The following TEX15 variants were observed in gnomAD, a reference collection of about 807,000 sequenced individuals.
TEX15 encodes testis expressed 15, meiosis and synapsis associated, also known as testis-expressed protein 15.
In TEX15, 171 loss-of-function variants were observed where a neutral mutation model predicts 237.3. The ratio of observed to expected loss-of-function variants is 0.72; its 90% CI spans 0.64 to 0.82. The LOEUF (loss-of-function observed/expected upper bound fraction) is 0.82. Ranked by LOEUF, TEX15 falls within the 40% of genes least tolerant of loss-of-function variation. TEX15 has a pLI of 0.00. For missense variants in TEX15, 3,750 were observed against 3,646.5 expected, an observed-to-expected ratio of 1.03 and a Z score of -0.73; for synonymous variants, 1,338 against 1,269.8, an observed-to-expected ratio of 1.05 and a Z score of -1.14.
At chr8:30,883,253 G>A (rs376548048) in intron 3 of TEX15, among the ~76,000 whole-genome samples, 7 of 152,208 alleles carry the variant, frequency 4.6e-5, no homozygotes, top group African/African-American at 1.4e-4. Flanking sequence ...GTTGAATTTA[G>A]ACGGTTTAAG....
intron 7 of TEX15, among the ~76,000 whole-genome samples, chr8:30,856,048 C>T (rs967857753): frequency 1.8e-4 from 27 of 152,090 alleles, no homozygotes; most frequent in African/African-American, 6.0e-4. Context: ...CAGGTTCAAG[C>T]GATTCTCCTG....
Position 30,837,872 on chromosome 8 carries a change from T to A in TEX15, c.8412A>T (p.Ser2804=). The change falls in exon 10 of 11, where the codon TCA becomes TCT. Residue 2804 remains serine (S), a synonymous_variant. Coordinates refer to ENST00000643185, the MANE Select transcript of TEX15 (RefSeq NM_001350162.2). ...CCTGTTGTCCACTGAAGTGATCAGATGAAACAGTTAAGTCTATTTTGCTTT... is the reference window on the plus strand; with the variant it reads ...CCTGTTGTCCACTGAAGTGATCAGAAGAAACAGTTAAGTCTATTTTGCTTT... ...KSESKIDLTV[S]SDHFSGQQEN... 6.2e-7 allele frequency: 1 copy of A among 1,614,202 alleles called. No homozygotes were observed. Among genetic ancestry groups the A allele is most frequent in the Non-Finnish European group, 8.5e-7 (1 of 1,180,028 alleles).
At chr8:30,840,788 A>C (rs991560420) in intron 8 of TEX15, among the ~76,000 whole-genome samples, 1 of 152,184 alleles carries the variant, frequency 6.6e-6, no homozygotes, top group African/African-American at 2.4e-5. Flanking sequence ...GTACACTTCA[A>C]TGTGTACAGA....
intron 1 of TEX15, among the ~76,000 whole-genome samples, chr8:30,912,381 T>TC (rs1342404085): frequency 3.6e-5 from 5 of 140,292 alleles, no homozygotes; most frequent in Non-Finnish European, 6.2e-5. Context: ...ACCACGAAGA[T>TC]CCCCACGCGC....
chr8:30,902,954 T>C (rs1290961076), intron 1 of TEX15, among the ~76,000 whole-genome samples: 1 of 152,238 alleles, frequency 6.6e-6, no homozygotes, highest in Non-Finnish European at 1.5e-5. Flanking sequence ...ACTTTGTCTG[T>C]TGCCCCTCAG....
chr8:30,837,064 A>G lies in TEX15; in HGVS notation c.9220T>C (p.Ser3074Pro). Reference protein sequence around the residue: ...ITSYEVQPSPSGLLTTVASTA... With the variant: ...ITSYEVQPSPPGLLTTVASTA... The stretch of plus-strand genomic sequence containing the variant: ...CTTGCAACTGTGGTCAACAGCCCAG[A>G]AGGAGATGGCTGTACTTCATATGAT... The change falls in exon 10 of 11, where the codon TCT becomes CCT. Residue 3074 changes from serine to proline, a missense_variant. By Grantham distance (74) the Ser-to-Pro change is moderately conservative. Transcript: ENST00000643185. 6.2e-7 allele frequency: 1 copy of G among 1,614,206 alleles called. No individual in the cohort carries two copies. The highest frequency in any genetic ancestry group is 8.5e-7 in the Non-Finnish European group (1 of 1,180,040).
intron 1 of TEX15, among the ~76,000 whole-genome samples, chr8:30,911,621 G>C (rs971375447): frequency 6.6e-6 from 1 of 152,194 alleles, no homozygotes; most frequent in Non-Finnish European, 1.5e-5. Context: ...GCGTTGGGGT[G>C]CTTCACACTG....
intron 9 of TEX15, among the ~76,000 whole-genome samples, chr8:30,839,212 G>C (rs916687315): frequency 6.6e-6 from 1 of 152,042 alleles, no homozygotes; most frequent in Non-Finnish European, 1.5e-5. Flanking sequence ...CTGTAGTCAA[G>C]AGAAATTCTT....
chr8:30,893,510 GATA>G (rs148328516), intron 2 of TEX15, among the ~76,000 whole-genome samples: 3,227 of 152,256 alleles, frequency 0.021, 63 homozygotes, highest in South Asian at 0.055. Context: ...GAATATAACT[GATA>G]ATGACAGGTA....
rs756993132 is a variant in TEX15, at chr8:30,887,242, G to T, written c.61C>A (p.Pro21Thr). 5.9e-6 allele frequency: 9 copies of T among 1,535,842 alleles called. No individual in the cohort carries two copies. Among genetic ancestry groups the T allele is most frequent in the Non-Finnish European group, 7.8e-6 (9 of 1,146,766 alleles). ...TTGACTTCACGAGTATTCAACACGG[G>T]TTTGCTAGTTGAGCTCATTTGCCAC... ...TLWQMSSTSK[P>T]VLNTREVNPL... The change falls in exon 3 of 11, where the codon CCC (proline) becomes ACC (threonine). Residue 21 changes from proline to threonine, a missense_variant. Coordinates refer to ENST00000643185, the MANE Select transcript of TEX15 (RefSeq NM_001350162.2).
intron 2 of TEX15, among the ~76,000 whole-genome samples, chr8:30,891,854 T>C (rs1265902888): frequency 1.3e-5 from 2 of 152,266 alleles, no homozygotes; most frequent in African/African-American, 4.8e-5. Context: ...GTTTTTTACC[T>C]GATTTTCTAT....
At position 30,842,951 on chromosome 8, in the gene TEX15, G is replaced by T; in HGVS notation, c.7216C>A (p.Gln2406Lys). ...TCCATGTTATTATCTTGTAGCATCT[G>T]AAAGTATTTTTTTAAAATTTCTAAG... ...DHLEILKKYFQMLQDNNMDNI... is the reference protein window; with the variant it reads ...DHLEILKKYFKMLQDNNMDNI... Residue 2406 changes from glutamine (Q) to lysine (K), a missense_variant, in exon 8 of 11, where the codon CAG becomes AAG. Gln to Lys is a moderately conservative substitution (Grantham distance 53, BLOSUM62 1). Transcript: ENST00000643185. 1 of 1,610,484 alleles carries T rather than the reference G, an allele frequency of 6.2e-7. No homozygotes were observed. The highest frequency in any genetic ancestry group is 8.5e-7 in the Non-Finnish European group (1 of 1,178,758).
intron 5 of TEX15, among the ~76,000 whole-genome samples, chr8:30,861,869 A>C (rs1052042785): frequency 6.6e-6 from 1 of 152,178 alleles, no homozygotes; most frequent in African/African-American, 2.4e-5. Context: ...ACTGTCAAGG[A>C]ATATAAATAA....
Position 30,846,936 on chromosome 8 carries a change from A to G in TEX15, c.3231T>C (p.Asp1077=), listed in dbSNP as rs767268377. 3.1e-6 allele frequency: 5 copies of G among 1,613,720 alleles called. No individual in the cohort carries two copies. In the South Asian group the frequency reaches 5.5e-5, roughly 18 times the overall value. The change falls in exon 8 of 11, where the codon GAT becomes GAC. Residue 1077 remains aspartate, a synonymous_variant. Coordinates refer to ENST00000643185, the MANE Select transcript of TEX15 (RefSeq NM_001350162.2). ...DCDDAFIFQQ[D]THSHENMLCE... is the part of the protein sequence containing the mutation. ...AAAGCATGTTTTCATGGCTATGTGT[A>G]TCTTGTTGAAATATAAAAGCATCAT...
Position 30,847,633 on chromosome 8 carries a change from A to G in TEX15, c.2534T>C (p.Leu845Ser). ...QDHNLFCNSQ[L>S]SNDIWLNVNF... is the part of the protein sequence containing the mutation. The stretch of plus-strand genomic sequence containing the variant: ...AACATTCAGCCATATATCATTGCTT[A>G]ACTGTGAATTACAGAACAGATTGTG... Residue 845 changes from leucine to serine, a missense_variant, in exon 8 of 11, where the codon TTA becomes TCA. Leu to Ser is a moderately radical substitution (Grantham distance 145). Transcript: ENST00000643185. The G allele has an allele frequency of 1.2e-6, 2 of 1,613,586 alleles. No individual in the cohort carries two copies. The highest frequency in any genetic ancestry group is 1.1e-5 in the South Asian group (1 of 91,036).
In TEX15 at chr8:30,831,994, TCTTA is replaced by T. The variant is rs1451166576; in HGVS notation, c.*1288_*1291del. On this transcript the variant is annotated 3_prime_UTR_variant, in exon 11 of 11. Transcript: ENST00000643185. ...TTTAACTCTATCGTCTTTTCAAATCTCTTACTTCTTTCGGTTACAGTTCTTTGCT... is the reference window on the plus strand; with the variant it reads ...TTTAACTCTATCGTCTTTTCAAATCTCTTCTTTCGGTTACAGTTCTTTGCT... The T allele has an allele frequency of 5.3e-5, 8 of 152,336 alleles. No individual in the cohort carries two copies. The East Asian group carries it at 1.3e-3, about 26-fold the overall frequency. 9.4% of individuals were successfully genotyped at this position (152,336 alleles called of 1,614,324 possible).
chr8:30,860,839 C>T (rs1157775354), intron 5 of TEX15, among the ~76,000 whole-genome samples: 1 of 151,690 alleles, frequency 6.6e-6, no homozygotes, highest in African/African-American at 2.4e-5. Flanking sequence ...GCGTGAGCCA[C>T]CGCGCCCAGC....
intron 7 of TEX15, among the ~76,000 whole-genome samples, chr8:30,852,144 G>A (rs183315371): frequency 7.2e-4 from 78 of 108,416 alleles, no homozygotes; most frequent in African/African-American, 2.8e-3. Context: ...AGTCTCTGTC[G>A]CCCAGGCTGG....
chr8:30,834,607 C>G (rs1230117078), intron 10 of TEX15, among the ~76,000 whole-genome samples: 1 of 152,124 alleles, frequency 6.6e-6, no homozygotes, highest in Non-Finnish European at 1.5e-5. Flanking sequence ...ACTCACATAC[C>G]TTATGTGAGA....
Sources: allele counts gnomAD v4.1 joint callset (sites outside exome capture counted in the v4.1 genomes callset), GRCh38; gene constraint gnomAD v4.1.1; transcripts MANE v1.5; gene names NCBI Gene and HGNC (gene_info 2026-07-23, HGNC 2026-07-21).